PAK2: variants seen among roughly 807,000 people sequenced by gnomAD.
PAK2 encodes the protein p21 (RAC1) activated kinase 2.
Under a neutral mutation model 65.9 loss-of-function variants are expected in PAK2, and 21 were observed. The observed-to-expected ratio is 0.32, with a 90% CI of 0.23 to 0.46. The LOEUF is 0.46. Ranked by LOEUF, PAK2 falls within the 20% of genes least tolerant of loss-of-function variation. PAK2 has a pLI of 1.00. For missense variants in PAK2, 324 were observed against 642.6 expected (o/e 0.50, Z 5.36); for synonymous variants, 204 against 219.7 (o/e 0.93, Z 0.63).
intron 10 of PAK2, 70 bp from the exon 11 acceptor site, chr3:196,814,381 C>A (rs13078303): frequency 1.5e-6 from 1 of 659,070 alleles, no homozygotes; most frequent in South Asian, 1.9e-5. Context: ...TATTTGAATT[C>A]TTCAACATAG....
chr3:196,757,040 A>G (rs529052127), intron 1 of PAK2, among the ~76,000 whole-genome samples: 13 of 152,210 alleles, frequency 8.5e-5, no homozygotes, highest in Admixed American at 2.0e-4. Flanking sequence ...TTGTTGTGTC[A>G]TTCCCCTGTT....
intron 13 of PAK2, among the ~76,000 whole-genome samples, chr3:196,821,932 A>C (rs1052405965): frequency 7.2e-5 from 11 of 152,174 alleles, no homozygotes; most frequent in Non-Finnish European, 2.9e-5. Context: ...TGAACAGTGG[A>C]ATATTATTTG....
chr3:196,818,756 AT>A lies in PAK2; in HGVS notation c.1153+610del, dbSNP rs74438830. 4.1e-4 allele frequency among the ~76,000 whole-genome samples: 61 copies of A among 150,134 alleles called. No individual in the cohort carries two copies. In the South Asian group the frequency reaches 8.9e-3, roughly 22 times the overall value. ...AAAATGAATTAAACTTTTGGATGAC[AT>A]TTTTTTTTTCTGGCTCTGCCATTTA... On this transcript the variant is annotated intron_variant, in intron 12 of 14. Coordinates refer to ENST00000327134, the MANE Select transcript of PAK2 (RefSeq NM_002577.4).
rs370211749 is a variant in PAK2, at chr3:196,765,550, CCTT to C, written c.-21-17072_-21-17070del. Among the ~76,000 whole-genome samples the C allele has an allele frequency of 2.5e-3, 375 of 152,254 alleles. 6 individuals carry two copies. The highest frequency in any genetic ancestry group is 8.8e-3 in the African/African-American group (367 of 41,540). ...CCTGATAACACTTGATTTGAATCAGCCTTCTTGTTTTTTGCCAATGTAGAAGGT... is the reference window on the plus strand; with the variant it reads ...CCTGATAACACTTGATTTGAATCAGCCTTGTTTTTTGCCAATGTAGAAGGT... On this transcript the variant is annotated intron_variant, in intron 1 of 14. Transcript: ENST00000327134.
At chr3:196,803,758 G>A (rs901583999) in intron 4 of PAK2, among the ~76,000 whole-genome samples, 2 of 152,178 alleles carry the variant, frequency 1.3e-5, no homozygotes, top group Non-Finnish European at 2.9e-5. Context: ...TTTACTTTCT[G>A]GATGAATATA....
Position 196,831,795 on chromosome 3 carries a change from C to T in PAK2, c.*3390C>T, listed in dbSNP as rs549288611. 1.1e-3 allele frequency: 160 copies of T among 152,226 alleles called. No homozygotes were observed. The highest frequency in any genetic ancestry group is 3.8e-3 in the African/African-American group (156 of 41,558). 9.4% of individuals were successfully genotyped at this position (152,226 alleles called of 1,614,324 possible). ...TTTTAAAATATACTGAGATCCACAT[C>T]TAGTGAAATGTCAGTGTCAAAATAT... On this transcript the variant is annotated 3_prime_UTR_variant, in exon 15 of 15. Coordinates refer to ENST00000327134, the MANE Select transcript of PAK2 (RefSeq NM_002577.4).
chr3:196,813,078 G>C (rs1338946180), intron 10 of PAK2, among the ~76,000 whole-genome samples: 1 of 152,092 alleles, frequency 6.6e-6, no homozygotes, highest in Non-Finnish European at 1.5e-5. Flanking sequence ...GCCATAGCTG[G>C]TGGTGTTTAT....
chr3:196,798,402 G>A (rs1352046420), intron 2 of PAK2, among the ~76,000 whole-genome samples: 1 of 151,038 alleles, frequency 6.6e-6, no homozygotes, highest in Non-Finnish European at 1.5e-5. Context: ...GGAGTACAGT[G>A]GTGCGATCTT....
At chr3:196,797,502 C>A (rs1715294562) in intron 2 of PAK2, among the ~76,000 whole-genome samples, 4 of 149,950 alleles carry the variant, frequency 2.7e-5, no homozygotes, top group Admixed American at 2.7e-4. Flanking sequence ...GCCTGTAATC[C>A]CAGCACTTTG....
chr3:196,808,271 T>A (rs1715651448), intron 7 of PAK2, among the ~76,000 whole-genome samples: 1 of 149,940 alleles, frequency 6.7e-6, no homozygotes, highest in Admixed American at 6.6e-5. Flanking sequence ...GAGCCAAGAT[T>A]GCGTCGTTGG....
At chr3:196,795,596 CAG>C (rs1399274133) in intron 2 of PAK2, among the ~76,000 whole-genome samples, 1 of 152,038 alleles carries the variant, frequency 6.6e-6, no homozygotes, top group Non-Finnish European at 1.5e-5. Flanking sequence ...ATTTAAGTAA[CAG>C]TGCAAGCCAG....
intron 2 of PAK2, among the ~76,000 whole-genome samples, chr3:196,786,839 T>C (rs76114543): frequency 0.29 from 44,023 of 151,172 alleles, 7,134 homozygotes; most frequent in African/African-American, 0.43. Flanking sequence ...TTTTTTTTTT[T>C]CTTTGAGGCA....
At chr3:196,782,601 C>A in intron 1 of PAK2, 25 bp from the exon 2 acceptor site, 2 of 1,154,616 alleles carry the variant, frequency 1.7e-6, no homozygotes, top group Non-Finnish European at 1.2e-6. Context: ...TACTTTGTTA[C>A]TAATTGTATT....
At chr3:196,780,435 A>C (rs1714670630) in intron 1 of PAK2, among the ~76,000 whole-genome samples, 1 of 152,204 alleles carries the variant, frequency 6.6e-6, no homozygotes, top group Non-Finnish European at 1.5e-5. Context: ...TGGCAGGCAA[A>C]GAGAGAGCTT....
chr3:196,743,123 C>T (rs181622228), intron 1 of PAK2, among the ~76,000 whole-genome samples: 1 of 152,176 alleles, frequency 6.6e-6, no homozygotes, highest in East Asian at 1.9e-4. Flanking sequence ...CCTCATTGCC[C>T]CCAAAAAATA....
At chr3:196,778,573 C>T (rs1240973100) in intron 1 of PAK2, among the ~76,000 whole-genome samples, 1 of 152,192 alleles carries the variant, frequency 6.6e-6, no homozygotes, top group East Asian at 1.9e-4. Flanking sequence ...CTAATGTTAA[C>T]ATCTTACATA....
At chr3:196,825,133 G>GTTAGGAGTT in intron 13 of PAK2, among the ~76,000 whole-genome samples, 1 of 149,224 alleles carries the variant, frequency 6.7e-6, no homozygotes, top group African/African-American at 2.5e-5. Flanking sequence ...ATCGCTTGAG[G>GTTAGGAGTT]TTAGGAGTTT....
chr3:196,761,805 C>T (rs1250374588), intron 1 of PAK2, among the ~76,000 whole-genome samples: 4 of 140,892 alleles, frequency 2.8e-5, no homozygotes, highest in Admixed American at 7.6e-5. Flanking sequence ...ACCTCCCTCC[C>T]GGATGGGGCG....
At chr3:196,775,533 C>T (rs1714509172) in intron 1 of PAK2, among the ~76,000 whole-genome samples, 1 of 152,094 alleles carries the variant, frequency 6.6e-6, no homozygotes, top group Admixed American at 6.6e-5. Flanking sequence ...CAGGCGCCCA[C>T]CACCACAACC....
Sources: gnomAD v4.1 joint callset for allele counts (sites outside exome capture counted in the v4.1 genomes callset) on GRCh38, gnomAD v4.1.1 for gene constraint, MANE v1.5 for transcripts, NCBI Gene and HGNC (gene_info 2026-07-23, HGNC 2026-07-21) for gene names.